The following SLC4A10 variants were observed in gnomAD, a reference collection of about 807,000 sequenced individuals.
The protein encoded by SLC4A10 is solute carrier family 4 member 10, also known as sodium-driven chloride bicarbonate exchanger.
Under a neutral mutation model 137.7 loss-of-function variants are expected in SLC4A10, and 42 were observed. The ratio of observed to expected loss-of-function variants is 0.30; its 90% CI spans 0.24 to 0.39. SLC4A10 has a LOEUF of 0.39. Among genes scored for constraint, SLC4A10 ranks in the 10% least tolerant of loss-of-function variants. The probability of loss-of-function intolerance (pLI) is 1.00; values close to 1 mark genes in which losing one functional copy is unlikely to be tolerated. For synonymous variants in SLC4A10, 474 were observed against 464.1 expected, an observed-to-expected ratio of 1.02 and a Z score of -0.27; for missense variants, 925 against 1,355.0, an observed-to-expected ratio of 0.68 and a Z score of 4.98.
chr2:161,689,325 C>T (rs966454524), intron 1 of SLC4A10, among the ~76,000 whole-genome samples: 10 of 152,104 alleles, frequency 6.6e-5, no homozygotes, highest in Admixed American at 6.6e-5. Flanking sequence ...CTGCAAGCTC[C>T]GTTCACAGCA....
intron 2 of SLC4A10, among the ~76,000 whole-genome samples, chr2:161,789,867 G>A (rs1244915338): frequency 6.6e-6 from 1 of 152,142 alleles, no homozygotes; most frequent in East Asian, 1.9e-4. Flanking sequence ...TTGGGATTGT[G>A]TCTGGGGGCA....
intron 1 of SLC4A10, among the ~76,000 whole-genome samples, chr2:161,627,388 C>A (rs968766158): frequency 6.6e-6 from 1 of 151,764 alleles, no homozygotes; most frequent in Admixed American, 6.6e-5. Context: ...ATTGGACAGG[C>A]ATTAAAAGCC....
Position 161,667,382 on chromosome 2 carries a change from A to G in SLC4A10, c.48+42816A>G, listed in dbSNP as rs73020055. Among the ~76,000 whole-genome samples the G allele has an allele frequency of 8.2e-3, 1,239 of 151,816 alleles. 4 individuals are homozygous for G. The highest frequency in any genetic ancestry group is 0.014 in the Middle Eastern group (4 of 294). ...TCTGCCTTCCAAGGGCTTAGACTCT[A>G]GTGGGGAAGACAAGTTAGTTAATAA... On this transcript the variant is annotated intron_variant, in intron 1 of 26. Coordinates refer to ENST00000446997, the MANE Select transcript of SLC4A10 (RefSeq NM_001178015.2).
chr2:161,828,682 C>T (rs932993059), intron 3 of SLC4A10, among the ~76,000 whole-genome samples: 1 of 141,398 alleles, frequency 7.1e-6, no homozygotes, highest in Non-Finnish European at 1.5e-5. Flanking sequence ...TTCAGACAAC[C>T]TGGCTATTGT....
At chr2:161,711,787 A>G (rs1204717691) in intron 1 of SLC4A10, among the ~76,000 whole-genome samples, 1 of 151,814 alleles carries the variant, frequency 6.6e-6, no homozygotes, top group African/African-American at 2.4e-5. Context: ...AATCTTAGCT[A>G]TGCTACTTAC....
intron 2 of SLC4A10, 40 bp downstream of exon 2, chr2:161,771,094 C>G: frequency 7.3e-7 from 1 of 1,375,998 alleles, no homozygotes. Context: ...GGTGTGCTTT[C>G]CAAAAGTATT....
intron 2 of SLC4A10, among the ~76,000 whole-genome samples, chr2:161,791,134 A>C (rs1332953348): frequency 1.3e-5 from 2 of 152,340 alleles, no homozygotes; most frequent in East Asian, 3.9e-4. Context: ...CCAAAGGAAT[A>C]TAAATCATTC....
chr2:161,927,711 G>A (rs1173645716), intron 15 of SLC4A10, among the ~76,000 whole-genome samples: 5 of 152,106 alleles, frequency 3.3e-5, no homozygotes, highest in Admixed American at 2.0e-4. Flanking sequence ...AGTGGGCAAA[G>A]GACATGAACA....
At position 161,798,940 on chromosome 2, in the gene SLC4A10, A is replaced by C. The variant is rs1164543811; in HGVS notation, c.131-5509A>C. On this transcript the variant is annotated intron_variant, in intron 2 of 26. Transcript: ENST00000446997. ...TTTTACAAGACAGAAGAAAAGAATCAATTCATTTTTAGTTCTGAGCCTGAA... is the reference window on the plus strand; with the variant it reads ...TTTTACAAGACAGAAGAAAAGAATCCATTCATTTTTAGTTCTGAGCCTGAA... Among the ~76,000 whole-genome samples the C allele has an allele frequency of 1.6e-4, 24 of 149,790 alleles. No homozygotes were observed. In the Admixed American group the frequency reaches 1.6e-3, roughly 10 times the overall value.
intron 10 of SLC4A10, among the ~76,000 whole-genome samples, chr2:161,887,919 A>C (rs936712006): frequency 5.9e-5 from 9 of 152,122 alleles, no homozygotes; most frequent in African/African-American, 1.9e-4. Context: ...GTTTTCTTCT[A>C]GGGTTTTTAG....
At chr2:161,933,405 C>T (rs1211404700) in intron 15 of SLC4A10, among the ~76,000 whole-genome samples, 1 of 149,716 alleles carries the variant, frequency 6.7e-6, no homozygotes, top group Non-Finnish European at 1.5e-5. Context: ...CCTTCCCTTT[C>T]CTCTTTCTTT....
chr2:161,862,627 A>G (rs1170816315), intron 5 of SLC4A10, among the ~76,000 whole-genome samples: 1 of 152,196 alleles, frequency 6.6e-6, no homozygotes, highest in African/African-American at 2.4e-5. Context: ...ATACTTCATA[A>G]GAATTATATA....
chr2:161,847,435 A>G (rs1279281801), intron 4 of SLC4A10, among the ~76,000 whole-genome samples: 1 of 151,794 alleles, frequency 6.6e-6, no homozygotes, highest in Non-Finnish European at 1.5e-5. Flanking sequence ...GTGTACAGAT[A>G]ATTTTGTCAG....
At chr2:161,777,498 A>G (rs901799922) in intron 2 of SLC4A10, among the ~76,000 whole-genome samples, 1 of 152,040 alleles carries the variant, frequency 6.6e-6, no homozygotes, top group Non-Finnish European at 1.5e-5. Context: ...TGATAAAAAC[A>G]TACCCAAGAT....
chr2:161,787,203 TTGGG>T (rs927615082), intron 2 of SLC4A10, among the ~76,000 whole-genome samples: 4 of 152,094 alleles, frequency 2.6e-5, no homozygotes, highest in African/African-American at 9.7e-5. Flanking sequence ...GATATACAAT[TTGGG>T]GCTATAATTT....
chr2:161,694,379 G>A (rs928568284), intron 1 of SLC4A10, among the ~76,000 whole-genome samples: 13 of 151,110 alleles, frequency 8.6e-5, no homozygotes, highest in African/African-American at 3.2e-4. Flanking sequence ...TTAAGGCTAA[G>A]ACCATATTTT....
intron 26 of SLC4A10, among the ~76,000 whole-genome samples, chr2:161,982,097 T>C (rs1284243740): frequency 6.6e-6 from 1 of 152,200 alleles, no homozygotes; most frequent in Non-Finnish European, 1.5e-5. Flanking sequence ...AGAAGAGTTA[T>C]AAAACCAAGG....
intron 1 of SLC4A10, among the ~76,000 whole-genome samples, chr2:161,756,772 G>C (rs1438031253): frequency 6.6e-6 from 1 of 152,074 alleles, no homozygotes; most frequent in Non-Finnish European, 1.5e-5. Context: ...GCATGATACT[G>C]TGAGTATTAA....
At chr2:161,860,433 G>A (rs2060372344) in intron 5 of SLC4A10, among the ~76,000 whole-genome samples, 1 of 151,972 alleles carries the variant, frequency 6.6e-6, no homozygotes, top group Non-Finnish European at 1.5e-5. Context: ...ATTGAACTGG[G>A]AATTCATATC....
Sources: allele counts gnomAD v4.1 joint callset (sites outside exome capture counted in the v4.1 genomes callset), GRCh38; gene constraint gnomAD v4.1.1; transcripts MANE v1.5; gene names NCBI Gene and HGNC (gene_info 2026-07-23, HGNC 2026-07-21).